The following MARCHF6 variants were observed in gnomAD, a reference collection of about 807,000 sequenced individuals.
MARCHF6 encodes E3 ubiquitin-protein ligase MARCHF6.
In MARCHF6, 31 loss-of-function variants were observed where a neutral mutation model predicts 133.7. The observed-to-expected ratio is 0.23, with a 90% CI of 0.17 to 0.31. The LOEUF (loss-of-function observed/expected upper bound fraction) is 0.31. Ranked by LOEUF, MARCHF6 falls within the 10% of genes least tolerant of loss-of-function variation. MARCHF6 has a pLI of 1.00. For missense variants in MARCHF6, 723 were observed against 1,121.6 expected (o/e 0.64, Z 5.08); for synonymous variants, 395 against 402.5 (o/e 0.98, Z 0.22).
chr5:10,392,209 G>T (rs959747069), intron 7 of MARCHF6, among the ~76,000 whole-genome samples: 2 of 152,088 alleles, frequency 1.3e-5, no homozygotes, highest in Non-Finnish European at 2.9e-5. Flanking sequence ...CGCCCATCTC[G>T]GCCTCCAAAG....
At chr5:10,393,663 T>C (rs1209184264) in intron 7 of MARCHF6, among the ~76,000 whole-genome samples, 1 of 152,232 alleles carries the variant, frequency 6.6e-6, no homozygotes, top group Non-Finnish European at 1.5e-5. Flanking sequence ...TTCCCATTAC[T>C]AAAGAATAAA....
At chr5:10,384,736 A>G (rs1737360794) in intron 4 of MARCHF6, among the ~76,000 whole-genome samples, 1 of 152,230 alleles carries the variant, frequency 6.6e-6, no homozygotes, top group Non-Finnish European at 1.5e-5. Flanking sequence ...TGGAACACGT[A>G]TACAGTGATC....
At chr5:10,428,347 T>G (rs1424103554) in intron 24 of MARCHF6, among the ~76,000 whole-genome samples, 1 of 142,922 alleles carries the variant, frequency 7.0e-6, no homozygotes. Context: ...TTTTTTTTTT[T>G]TTTTTTTTTT....
chr5:10,370,185 C>G lies in MARCHF6; in HGVS notation c.20-7613C>G, dbSNP rs138533978. ...GCGCCGTCATAGCTCGCTATAGCCT[C>G]AAGCTCCTGGGCTCAAGCAATCTTT... On this transcript the variant is annotated intron_variant, in intron 1 of 25. Transcript: ENST00000274140. Among the ~76,000 whole-genome samples, 400 of 140,406 alleles carry G rather than the reference C, an allele frequency of 2.8e-3. 3 individuals carry two copies. Among genetic ancestry groups the G allele is most frequent in the Admixed American group, 7.1e-3 (93 of 13,118 alleles). 92.1% of individuals were successfully genotyped at this position (140,406 alleles called of 152,430 possible).
chr5:10,358,806 TACTC>T (rs1263455556), intron 1 of MARCHF6, among the ~76,000 whole-genome samples: 4 of 152,226 alleles, frequency 2.6e-5, no homozygotes, highest in African/African-American at 9.6e-5. Context: ...ACTAGTCTTT[TACTC>T]ACTATCATAA....
intron 22 of MARCHF6, among the ~76,000 whole-genome samples, chr5:10,421,642 G>A (rs1304884879): frequency 6.6e-6 from 1 of 152,190 alleles, no homozygotes; most frequent in Admixed American, 6.5e-5. Context: ...TGGAGAACGC[G>A]AATCACAGTG....
rs1302860212 is a variant in MARCHF6, at chr5:10,407,959, C to G, written c.1553+757C>G. On this transcript the variant is annotated intron_variant, in intron 17 of 25. Coordinates refer to ENST00000274140, the MANE Select transcript of MARCHF6 (RefSeq NM_005885.4). ...CAACAAGAGTGAAACTGCATCCCCC[C>G]CCCCCCAAAAAAAAAAGCCATCCGG... Among the ~76,000 whole-genome samples the G allele has an allele frequency of 5.7e-5, 8 of 141,092 alleles. No homozygotes were observed. In the South Asian group the frequency reaches 1.2e-3, roughly 22 times the overall value. 92.6% of individuals were successfully genotyped at this position (141,092 alleles called of 152,430 possible). A position where few individuals can be genotyped will look rare whatever the true frequency, so the allele number is the denominator to read the frequency against.
intron 1 of MARCHF6, among the ~76,000 whole-genome samples, chr5:10,371,796 A>T (rs1010948702): frequency 1.3e-5 from 2 of 152,196 alleles, no homozygotes; most frequent in Admixed American, 6.5e-5. Context: ...TGGTCTTTTA[A>T]AATGCCTTCA....
In MARCHF6 at chr5:10,417,280, C is replaced by G; in HGVS notation, c.2159C>G (p.Thr720Ser). The change falls in exon 22 of 26, where the codon ACT becomes AGT. Residue 720 changes from threonine (T) to serine (S), a missense_variant. Around this residue, in one of 4 missense-constraint regions of MARCHF6, gnomAD observed 492 missense variants for 699.5 expected, o/e 0.70. Transcript: ENST00000274140. ...VKEWSLMIMK[T>S]LIVAVLLAGV... ...CCTGTTTCCTAATAGATCATGAAGA[C>G]TTTGATAGTTGCGGTGCTGTTGGCT... 6.2e-7 allele frequency: 1 copy of G among 1,611,054 alleles called. No homozygotes were observed. Among genetic ancestry groups the G allele is most frequent in the African/African-American group, 1.3e-5 (1 of 74,574 alleles).
chr5:10,425,929 AT>A (rs1464004986), intron 23 of MARCHF6, among the ~76,000 whole-genome samples: 2 of 152,212 alleles, frequency 1.3e-5, no homozygotes, highest in African/African-American at 4.8e-5. Context: ...ATTTGTTAAA[AT>A]TTGATTTATG....
chr5:10,433,636 T>C lies in MARCHF6; in HGVS notation c.2685T>C (p.Ser895=). 6.2e-7 allele frequency: 1 copy of C among 1,614,226 alleles called. No individual in the cohort carries two copies. Among genetic ancestry groups the C allele is most frequent in the Non-Finnish European group, 8.5e-7 (1 of 1,180,042 alleles). The part of the protein sequence containing the change: ...GQRLVNYERK[S]GKQGSSPPPP... ...GACTCGTGAACTACGAACGGAAATC[T>C]GGCAAACAAGGCTCATCTCCACCAC... is the stretch of plus-strand genomic sequence containing the variant. Residue 895 remains serine (S), a synonymous_variant, in exon 26 of 26, where the codon TCT becomes TCC. Coordinates refer to ENST00000274140, the MANE Select transcript of MARCHF6 (RefSeq NM_005885.4).
intron 23 of MARCHF6, among the ~76,000 whole-genome samples, chr5:10,424,856 T>C (rs369833615): frequency 1.3e-5 from 2 of 152,184 alleles, no homozygotes; most frequent in Admixed American, 6.5e-5. Flanking sequence ...GATAATTTGA[T>C]TGTTGTGGGA....
At chr5:10,371,914 C>T (rs1329930423) in intron 1 of MARCHF6, among the ~76,000 whole-genome samples, 3 of 152,072 alleles carry the variant, frequency 2.0e-5, no homozygotes, top group Non-Finnish European at 4.4e-5. Context: ...AGGATGATTG[C>T]TTAAGGCCAG....
chr5:10,363,915 A>G (rs1561096285), intron 1 of MARCHF6, among the ~76,000 whole-genome samples: 1 of 152,204 alleles, frequency 6.6e-6, no homozygotes, highest in South Asian at 2.1e-4. Flanking sequence ...AAATCTATAT[A>G]TAGAGAAATT....
intron 17 of MARCHF6, among the ~76,000 whole-genome samples, chr5:10,408,776 C>T (rs1021408981): frequency 6.6e-6 from 1 of 152,154 alleles, no homozygotes; most frequent in Admixed American, 6.5e-5. Flanking sequence ...TGAGCTTGAA[C>T]CATCTGCCTG....
intron 1 of MARCHF6, among the ~76,000 whole-genome samples, chr5:10,375,108 G>A (rs1736690407): frequency 6.6e-6 from 1 of 152,214 alleles, no homozygotes. Context: ...GCCCCTTTCT[G>A]GCCTGGCCAA....
intron 7 of MARCHF6, 45 bp from the exon 8 acceptor site, chr5:10,394,037 T>C (rs1438227738): frequency 1.9e-5 from 22 of 1,159,802 alleles, no homozygotes; most frequent in Non-Finnish European, 2.5e-5. Context: ...TTATTATTTA[T>C]TATTTTTACT....
At chr5:10,387,280 A>G (rs1041126388) in intron 5 of MARCHF6, among the ~76,000 whole-genome samples, 2 of 152,020 alleles carry the variant, frequency 1.3e-5, no homozygotes, top group Non-Finnish European at 2.9e-5. Flanking sequence ...ACTGTTTTGT[A>G]ATGATGGGAT....
chr5:10,427,080 A>G (rs1740124947), intron 24 of MARCHF6, among the ~76,000 whole-genome samples: 2 of 152,182 alleles, frequency 1.3e-5, no homozygotes, highest in Non-Finnish European at 2.9e-5. Flanking sequence ...AAACATTATC[A>G]TCCAACAAAT....
Sources: gnomAD v4.1 joint callset for allele counts (sites outside exome capture counted in the v4.1 genomes callset) on GRCh38, gnomAD v4.1.1 for gene constraint, gnomAD v4.1.1 regional missense constraint, MANE v1.5 for transcripts, NCBI Gene and HGNC (gene_info 2026-07-23, HGNC 2026-07-21) for gene names.